The following TENM2 variants were observed in gnomAD, a reference collection of about 807,000 sequenced individuals.
TENM2 encodes teneurin-2.
In TENM2, 52 loss-of-function variants were observed where a neutral mutation model predicts 245.2. The ratio of observed to expected loss-of-function variants is 0.21; its 90% confidence interval spans 0.17 to 0.27. The LOEUF (loss-of-function observed/expected upper bound fraction) is 0.27. Ranked by LOEUF, TENM2 falls within the 10% of genes least tolerant of loss-of-function variation. The pLI, the probability that TENM2 is intolerant of heterozygous loss-of-function variation, is 1.00. For synonymous variants in TENM2, 1,363 were observed against 1,438.9 expected (o/e 0.95, Z 1.19); for missense variants, 3,046 against 3,666.8 (o/e 0.83, Z 4.37).
chr5:168,060,534 A>G (rs1409125478), intron 6 of TENM2, among the ~76,000 whole-genome samples: 1 of 152,162 alleles, frequency 6.6e-6, no homozygotes, highest in Non-Finnish European at 1.5e-5. Context: ...TAAAGATGAG[A>G]TGTGAAGGAG....
chr5:168,139,380 A>G (rs1379365704), intron 12 of TENM2: 3 of 431,600 alleles, frequency 7.0e-6, no homozygotes, highest in Non-Finnish European at 9.3e-6. Context: ...TCTTAGCTAT[A>G]TCTATTTTAT....
chr5:167,994,158 C>T (rs1017102677), intron 5 of TENM2, among the ~76,000 whole-genome samples: 5 of 152,246 alleles, frequency 3.3e-5, no homozygotes, highest in African/African-American at 1.2e-4. Flanking sequence ...ATGCTTGTGG[C>T]TTGGTTTCAG....
At chr5:167,442,033 GA>G (rs1216177507) in intron 2 of TENM2, among the ~76,000 whole-genome samples, 2 of 152,234 alleles carry the variant, frequency 1.3e-5, no homozygotes, top group South Asian at 2.1e-4. Flanking sequence ...ATTTTAAAAA[GA>G]AAAGAAAAGA....
chr5:168,035,116 A>G (rs904150246), intron 5 of TENM2, among the ~76,000 whole-genome samples: 9 of 152,200 alleles, frequency 5.9e-5, no homozygotes, highest in Non-Finnish European at 1.2e-4. Flanking sequence ...AAAGATTTTT[A>G]TGTTGATTTT....
chr5:167,276,679 A>C, the TENM2 span, among the ~76,000 whole-genome samples: 2 of 152,104 alleles, frequency 1.3e-5, no homozygotes, highest in Non-Finnish European at 2.9e-5. Context: ...AGATTTGCGT[A>C]TAACCTATGC....
chr5:167,735,814 A>G (rs918725725), intron 2 of TENM2, among the ~76,000 whole-genome samples: 12 of 152,160 alleles, frequency 7.9e-5, no homozygotes, highest in Admixed American at 3.9e-4. Context: ...TCACAAAAAG[A>G]AAAAAGAGAA....
At chr5:167,697,641 C>T (rs924319097) in intron 2 of TENM2, among the ~76,000 whole-genome samples, 1 of 152,184 alleles carries the variant, frequency 6.6e-6, no homozygotes, top group Non-Finnish European at 1.5e-5. Context: ...TCTCCTGCCT[C>T]AGCCTCCCTA....
rs367645240 is a variant in TENM2 at position 168,199,856 on chromosome 5, C to T, written c.3163-8C>T. ...TAGGTGTGTGTCTGCCATGTGTTTC[C>T]TCTCCAGGTTCTTCATGAAGAAATC... On this transcript the variant is annotated splice_region_variant and splice_polypyrimidine_tract_variant and intron_variant, in intron 16 of 28. Coordinates refer to ENST00000518659, the Ensembl canonical transcript of TENM2. The T allele has an allele frequency of 1.2e-6, 2 of 1,612,156 alleles. No homozygotes were observed. Among genetic ancestry groups the T allele is most frequent in the Non-Finnish European group, 1.7e-6 (2 of 1,178,996 alleles).
chr5:167,955,465 A>C (rs1186576597), intron 4 of TENM2, among the ~76,000 whole-genome samples: 1 of 152,056 alleles, frequency 6.6e-6, no homozygotes, highest in East Asian at 1.9e-4. Context: ...GAAGCTCTTT[A>C]GTTTAATTAG....
downstream of TENM2, chr5:168,263,043 G>C (rs767758623): frequency 2.0e-6 from 1 of 488,466 alleles, no homozygotes; most frequent in Admixed American, 3.6e-5. Flanking sequence ...CAAAACAAAC[G>C]AATGAATGAA....
chr5:168,232,634 G>T (rs1295378511), intron 25 of TENM2, among the ~76,000 whole-genome samples: 1 of 152,126 alleles, frequency 6.6e-6, no homozygotes. Flanking sequence ...GGGTGTGAGG[G>T]CCCAAGGCTC....
chr5:167,763,477 A>G lies in TENM2; in HGVS notation c.503-112509A>G, dbSNP rs185894350. On this transcript the variant is annotated intron_variant, in intron 2 of 28. Coordinates refer to ENST00000518659, the Ensembl canonical transcript of TENM2. ...TGAGATACTGAGCCACTGCCTGCCG[A>G]ATGAAGATTGTATTATTAGTAGTGT... Among the ~76,000 whole-genome samples the G allele has an allele frequency of 3.0e-3, 452 of 152,292 alleles. 4 individuals are homozygous for G. The highest frequency in any genetic ancestry group is 0.01 in the African/African-American group (430 of 41,566).
At chr5:167,416,564 A>G (rs1383972806) in intron 2 of TENM2, among the ~76,000 whole-genome samples, 1 of 152,218 alleles carries the variant, frequency 6.6e-6, no homozygotes, top group African/African-American at 2.4e-5. Flanking sequence ...AGCAGTTGGC[A>G]ATGCAAATAT....
intron 2 of TENM2, among the ~76,000 whole-genome samples, chr5:167,455,760 C>T (rs1554158436): frequency 6.6e-6 from 1 of 152,114 alleles, no homozygotes; most frequent in Non-Finnish European, 1.5e-5. Context: ...AGAGACCGTT[C>T]AAGGGTGATT....
At chr5:167,061,252 AT>A in the TENM2 span, among the ~76,000 whole-genome samples, 2 of 152,056 alleles carry the variant, frequency 1.3e-5, no homozygotes, top group Non-Finnish European at 2.9e-5. Flanking sequence ...ATACGCATTT[AT>A]TTTTTTAAAT....
intron 25 of TENM2, among the ~76,000 whole-genome samples, chr5:168,236,191 G>A (rs1006013962): frequency 6.6e-6 from 1 of 152,080 alleles, no homozygotes; most frequent in Non-Finnish European, 1.5e-5. Context: ...AGCCCTCATC[G>A]GGAGCCTCCT....
chr5:167,842,018 A>G lies in TENM2; in HGVS notation c.503-33968A>G, dbSNP rs538223531. Among the ~76,000 whole-genome samples the G allele has an allele frequency of 3.3e-3, 498 of 152,298 alleles. 1 individual carries two copies. Among genetic ancestry groups the G allele is most frequent in the African/African-American group, 0.011 (456 of 41,568 alleles). ...CTTGTATTTTACACATTGTATAGCC[A>G]AAAGAACCGTGAATTCTTTTTGACC... is the stretch of plus-strand genomic sequence containing the variant. On this transcript the variant is annotated intron_variant, in intron 2 of 28. Coordinates refer to ENST00000518659, the Ensembl canonical transcript of TENM2.
chr5:167,035,271 C>T, the TENM2 span, among the ~76,000 whole-genome samples: 2 of 152,030 alleles, frequency 1.3e-5, no homozygotes, highest in African/African-American at 4.8e-5. Flanking sequence ...TAGTTAACTT[C>T]ATATGAATTT....
At chr5:167,827,441 G>A (rs1768060042) in intron 2 of TENM2, among the ~76,000 whole-genome samples, 1 of 151,976 alleles carries the variant, frequency 6.6e-6, no homozygotes, top group African/African-American at 2.4e-5. Context: ...GTCATTCTGT[G>A]GTGATTAACA....
Sources: gnomAD v4.1 joint callset for allele counts (sites outside exome capture counted in the v4.1 genomes callset) on GRCh38, gnomAD v4.1.1 for gene constraint, MANE v1.5 for transcripts, NCBI Gene and HGNC (gene_info 2026-07-23, HGNC 2026-07-21) for gene names.